Variants in TGM5 observed in about 807,000 individuals in gnomAD.
TGM5 encodes the protein protein-glutamine gamma-glutamyltransferase 5.
Under a neutral mutation model 77.2 loss-of-function variants are expected in TGM5, and 69 were observed. The ratio of observed to expected loss-of-function variants is 0.89; its 90% CI spans 0.74 to 1.09. TGM5 has a LOEUF of 1.09. Ranked by LOEUF, TGM5 falls within the 50% of genes least tolerant of loss-of-function variation. TGM5 has a pLI of 0.00. For missense variants in TGM5, 842 were observed against 896.5 expected (o/e 0.94, Z 0.78); for synonymous variants, 346 against 351.8 (o/e 0.98, Z 0.18).
At position 43,241,000 on chromosome 15, in the gene TGM5, G is replaced by A; in HGVS notation, c.863-10C>T. 1 of 1,614,110 alleles carries A rather than the reference G, an allele frequency of 6.2e-7. No homozygotes were observed. The highest frequency in any genetic ancestry group is 8.5e-7 in the Non-Finnish European group (1 of 1,180,014). ...CCCAGACACCTCATCACTGCAAAAAGGGCACAAAAAAATCACCTGTGAGCT... is the reference window on the plus strand; with the variant it reads ...CCCAGACACCTCATCACTGCAAAAAAGGCACAAAAAAATCACCTGTGAGCT... On this transcript the variant is annotated splice_polypyrimidine_tract_variant and intron_variant, in intron 6 of 12. Coordinates refer to ENST00000220420, the MANE Select transcript of TGM5 (RefSeq NM_201631.4).
intron 9 of TGM5, 152 bp from the exon 10 acceptor site, chr15:43,235,989 C>A: frequency 9.3e-7 from 1 of 1,073,894 alleles, no homozygotes; most frequent in Non-Finnish European, 1.4e-6. Flanking sequence ...TGTGCTTTCC[C>A]AGGCAGGCTC....
rs2042776077 is a variant in TGM5 at position 43,260,341 on chromosome 15, A to C, written c.191-44T>G. On this transcript the variant is annotated intron_variant, in intron 2 of 12. Coordinates refer to ENST00000220420, the MANE Select transcript of TGM5 (RefSeq NM_201631.4). ...TGAGGCCCTCCATGGCGACCTCCAA[A>C]CCCCCGAAAATCCCCTCCCAGACAC... The C allele has an allele frequency of 1.9e-6, 3 of 1,613,908 alleles. No homozygotes were observed. The African/African-American group carries it at 4.0e-5, about 22-fold the overall frequency.
rs140125084 is a variant in TGM5 at position 43,253,639 on chromosome 15, G to A, written c.556-5C>T. ...GTCTATGATTTTGTCTTCAAACTTC[G>A]GGGGGAGAGGCAGAGAGGGAAGGCA... On this transcript the variant is annotated splice_region_variant and splice_polypyrimidine_tract_variant and intron_variant, in intron 4 of 12. Transcript: ENST00000220420. The A allele has an allele frequency of 8.0e-4, 1,282 of 1,611,968 alleles. 7 individuals carry two copies. In the African/African-American group the frequency reaches 0.015, roughly 18 times the overall value.
intron 6 of TGM5, among the ~76,000 whole-genome samples, chr15:43,245,467 T>C (rs1171324654): frequency 1.3e-5 from 2 of 152,192 alleles, no homozygotes; most frequent in Non-Finnish European, 2.9e-5. Flanking sequence ...CTAATCATAT[T>C]TGAACTGTTC....
intron 3 of TGM5, among the ~76,000 whole-genome samples, chr15:43,257,474 C>T (rs1285662646): frequency 6.6e-6 from 1 of 152,158 alleles, no homozygotes; most frequent in African/African-American, 2.4e-5. Context: ...AATATCTTAA[C>T]ATTAGGTTGG....
Position 43,252,881 on chromosome 15 carries a change from G to A in TGM5, c.740C>T (p.Thr247Ile), listed in dbSNP as rs2042715594. The A allele has an allele frequency of 1.9e-6, 3 of 1,613,858 alleles. No individual in the cohort carries two copies. Residue 247 changes from threonine to isoleucine, a missense_variant, in exon 6 of 13, where the codon ACA becomes ATA. This residue lies in a region of TGM5 where 815 missense variants were observed against 844.6 expected (regional missense o/e 0.96). Transcript: ENST00000220420. ...CCACTCCGCAGGGTTGGCGCCGTCT[G>A]TGTAATTCTCACTCCAGTTTCCATT... Reference protein sequence around the residue: ...VLNGNWSENYTDGANPAEWTG... With the variant: ...VLNGNWSENYIDGANPAEWTG...
intron 1 of TGM5, 151 bp downstream of exon 1, chr15:43,266,689 T>C (rs1287963221): frequency 7.0e-6 from 7 of 1,004,680 alleles, no homozygotes; most frequent in Non-Finnish European, 1.1e-5. Context: ...CACCAATGAA[T>C]ACTGAGGTTT....
Position 43,240,901 on chromosome 15 carries a change from A to C in TGM5, c.952T>G (p.Tyr318Asp). The C allele has an allele frequency of 6.2e-7, 1 of 1,614,192 alleles. No individual in the cohort carries two copies. The highest frequency in any genetic ancestry group is 1.1e-5 in the South Asian group (1 of 91,084). The part of the protein sequence containing the change: ...TDGNLIIDEY[Y>D]DNTGRILGNK... ...CCCAAAATCCTGCCTGTGTTGTCAT[A>C]ATACTCATCTATGATCAGGTTTCCA... The change falls in exon 7 of 13, where the codon TAT becomes GAT. Residue 318 changes from tyrosine to aspartate, a missense_variant. By Grantham distance (160) the Tyr-to-Asp change is radical. Transcript: ENST00000220420.
At chr15:43,239,384 T>A in intron 7 of TGM5, 118 bp from the exon 8 acceptor site, 3 of 1,044,326 alleles carry the variant, frequency 2.9e-6, no homozygotes, top group Non-Finnish European at 4.4e-6. Flanking sequence ...ACACAGGGCT[T>A]AAAACCTCTG....
Position 43,240,974 on chromosome 15 carries a change from C to A in TGM5, c.879G>T (p.Gly293=), listed in dbSNP as rs868557190. The A allele has an allele frequency of 1.2e-6, 2 of 1,614,152 alleles. No individual in the cohort carries two copies. Among genetic ancestry groups the A allele is most frequent in the East Asian group, 4.5e-5 (2 of 44,882 alleles). ...AVMCTVMRCL[G]IPTRVITNFD... Reference sequence around the variant, plus strand: ...AGTTGGTGATCACACGGGTAGGGATCCCCAGACACCTCATCACTGCAAAAA... The same window carrying A: ...AGTTGGTGATCACACGGGTAGGGATACCCAGACACCTCATCACTGCAAAAA... Residue 293 remains glycine, a synonymous_variant, in exon 7 of 13, where the codon GGG becomes GGT. Transcript: ENST00000220420.
chr15:43,238,064 C>T (rs1596440906), intron 9 of TGM5, among the ~76,000 whole-genome samples: 1 of 152,304 alleles, frequency 6.6e-6, no homozygotes, highest in Non-Finnish European at 1.5e-5. Context: ...AGCCTCCCTG[C>T]GTCTGTCCCC....
intron 6 of TGM5, among the ~76,000 whole-genome samples, chr15:43,241,773 A>G (rs1163471330): frequency 6.6e-6 from 1 of 151,986 alleles, no homozygotes; most frequent in Non-Finnish European, 1.5e-5. Context: ...AGCTGGGATT[A>G]CAGGCACACA....
intron 6 of TGM5, among the ~76,000 whole-genome samples, chr15:43,241,772 T>A (rs1475749846): frequency 1.3e-5 from 2 of 152,264 alleles, no homozygotes; most frequent in East Asian, 3.9e-4. Flanking sequence ...TAGCTGGGAT[T>A]ACAGGCACAC....
intron 4 of TGM5, 157 bp from the exon 5 acceptor site, chr15:43,253,791 G>A (rs2042724728): frequency 1.9e-6 from 2 of 1,039,396 alleles, no homozygotes; most frequent in South Asian, 1.4e-5. Flanking sequence ...ATTCAGGTGT[G>A]GGGTTTCAAA....
rs60830461 is a variant in TGM5, at chr15:43,260,776, T to G, written c.11-197A>C. 6,587 of 676,714 alleles carry G rather than the reference T, an allele frequency of 9.7e-3. 265 individuals carry two copies. Among genetic ancestry groups the G allele is most frequent in the African/African-American group, 0.09 (5,065 of 56,222 alleles). The allele number at this position is 676,714 out of a possible 1,614,324, so 41.9% of individuals were successfully genotyped here. On this transcript the variant is annotated intron_variant, in intron 1 of 12. Coordinates refer to ENST00000220420, the MANE Select transcript of TGM5 (RefSeq NM_201631.4). ...ATTTAATGAGGTTCCATGCATGCGC[T>G]TTCCTCTTTTTTCCTTCCTCTCCTA...
rs762254555 is a variant in TGM5 at position 43,260,523 on chromosome 15, T to G, written c.67A>C (p.Thr23Pro). The G allele has an allele frequency of 3.1e-6, 5 of 1,614,008 alleles. No individual in the cohort carries two copies. The highest frequency in any genetic ancestry group is 4.2e-6 in the Non-Finnish European group (5 of 1,180,024). ...AGGTGGTCCACAGTGATCTCCTCCG[T>G]GTGGTGCCGCACATTATTTCTGGAG... The part of the protein sequence containing the change: ...QSSRNNVRHH[T>P]EEITVDHLLV... The change falls in exon 2 of 13, where the codon ACG becomes CCG. Residue 23 changes from threonine to proline, a missense_variant. By Grantham distance (38) the Thr-to-Pro change is conservative. Transcript: ENST00000220420.
At chr15:43,244,861 A>G (rs1274354371) in intron 6 of TGM5, among the ~76,000 whole-genome samples, 1 of 152,112 alleles carries the variant, frequency 6.6e-6, no homozygotes, top group Non-Finnish European at 1.5e-5. Context: ...TGAGCCCAGG[A>G]GTTTGAGACC....
chr15:43,241,095 G>A, intron 6 of TGM5, 105 bp from the exon 7 acceptor site: 1 of 1,436,238 alleles, frequency 7.0e-7, no homozygotes, highest in Non-Finnish European at 9.6e-7. Context: ...TTTGCCATCT[G>A]CAGGAACATG....
At chr15:43,263,713 G>A (rs2042805862) in intron 1 of TGM5, among the ~76,000 whole-genome samples, 1 of 152,188 alleles carries the variant, frequency 6.6e-6, no homozygotes, top group Admixed American at 6.5e-5. Flanking sequence ...GAAACTCCTG[G>A]AAGAAAACAT....
Sources: gnomAD v4.1 joint callset for allele counts (sites outside exome capture counted in the v4.1 genomes callset) on GRCh38, gnomAD v4.1.1 for gene constraint, gnomAD v4.1.1 regional missense constraint, MANE v1.5 for transcripts, NCBI Gene and HGNC (gene_info 2026-07-23, HGNC 2026-07-21) for gene names.